MALRD1: variants seen among roughly 807,000 people sequenced by gnomAD.
MALRD1 encodes the protein MAM and LDL receptor class A domain containing 1.
Under a neutral mutation model 242.1 loss-of-function variants are expected in MALRD1, and 247 were observed. That is an observed-to-expected ratio of 1.02 (90% CI 0.92 to 1.13). The LOEUF is 1.13. Among genes scored for constraint, MALRD1 ranks in the 50% most tolerant of loss-of-function variants. MALRD1 has a pLI of 0.00. For missense variants in MALRD1, 2,989 were observed against 2,533.1 expected (o/e 1.18, Z -3.86); for synonymous variants, 995 against 866.6 (o/e 1.15, Z -2.60).
chr10:19,391,581 T>C (rs769652942), intron 28 of MALRD1, among the ~76,000 whole-genome samples: 1 of 152,186 alleles, frequency 6.6e-6, no homozygotes. Flanking sequence ...TGGCACTCCC[T>C]GTCTATTCTT....
Position 19,160,157 on chromosome 10 carries a change from G to A in MALRD1, c.1656+4985G>A, listed in dbSNP as rs113946724. Among the ~76,000 whole-genome samples, 623 of 152,252 alleles carry A rather than the reference G, an allele frequency of 4.1e-3. 2 individuals are homozygous for A. Among genetic ancestry groups the A allele is most frequent in the Non-Finnish European group, 6.5e-3 (444 of 68,016 alleles). ...ACTTAACTTGTTTTGAATGAAGCAG[G>A]CATGCGTCAAGAAAATTTCCTTGAA... On this transcript the variant is annotated intron_variant, in intron 12 of 39. Coordinates refer to ENST00000454679, the MANE Select transcript of MALRD1 (RefSeq NM_001142308.3).
Position 19,450,408 on chromosome 10 carries a change from A to G in MALRD1, c.4947A>G (p.Glu1649=), listed in dbSNP as rs377011245. ...DILLGKLRNF[E]VIFQGIRTRD... ...TGCTAGGAAAGTTAAGGAATTTTGA[A>G]GTCATATTTCAAGGTATCAGAACAA... The change falls in exon 29 of 40, where the codon GAA becomes GAG. Residue 1649 remains glutamate, a synonymous_variant. Transcript: ENST00000454679. 1.0e-5 allele frequency: 16 copies of G among 1,550,426 alleles called. No individual in the cohort carries two copies. The Admixed American group carries it at 1.4e-4, about 13-fold the overall frequency.
chr10:19,356,101 C>T (rs1844626006), intron 26 of MALRD1, among the ~76,000 whole-genome samples: 1 of 151,220 alleles, frequency 6.6e-6, no homozygotes, highest in Admixed American at 6.6e-5. Flanking sequence ...AGAATTGGCT[C>T]TCCGTAAGAC....
At chr10:19,558,446 T>C (rs1835820329) in intron 32 of MALRD1, among the ~76,000 whole-genome samples, 1 of 152,176 alleles carries the variant, frequency 6.6e-6, no homozygotes, top group Non-Finnish European at 1.5e-5. Context: ...TCATCATGAA[T>C]GGGTATTGCT....
rs766328143 is a variant in MALRD1 at position 19,098,245 on chromosome 10, G to A, written c.598-5734G>A. On this transcript the variant is annotated intron_variant, in intron 4 of 39. Transcript: ENST00000454679. ...ACTGACTATAATTTTCACGTTGAAT[G>A]TCTGGATTGTTAAACTAAATGAACA... 2.2e-4 allele frequency among the ~76,000 whole-genome samples: 34 copies of A among 152,272 alleles called. 1 individual carries two copies. Among genetic ancestry groups the A allele is most frequent in the Admixed American group, 1.4e-3 (22 of 15,282 alleles).
At chr10:19,448,660 T>C (rs1157691197) in intron 28 of MALRD1, among the ~76,000 whole-genome samples, 1 of 152,148 alleles carries the variant, frequency 6.6e-6, no homozygotes, top group African/African-American at 2.4e-5. Context: ...TGTTCATGTA[T>C]TAGAATATTG....
At chr10:19,347,669 A>G in intron 24 of MALRD1, 102 bp from the exon 25 acceptor site, 1 of 1,364,668 alleles carries the variant, frequency 7.3e-7, no homozygotes. Flanking sequence ...TGAAGGTTTC[A>G]AATATTACAT....
intron 28 of MALRD1, among the ~76,000 whole-genome samples, chr10:19,443,338 A>G (rs150527840): frequency 4.0e-5 from 6 of 151,814 alleles, no homozygotes. Flanking sequence ...TGCTCTGATC[A>G]TAGTTATTTC....
At chr10:19,226,560 G>A (rs1203924228) in intron 18 of MALRD1, among the ~76,000 whole-genome samples, 3 of 152,018 alleles carry the variant, frequency 2.0e-5, no homozygotes, top group African/African-American at 7.2e-5. Flanking sequence ...TCTAGATTCA[G>A]TGGAATTCCC....
At chr10:19,415,570 C>T (rs12243262) in intron 28 of MALRD1, among the ~76,000 whole-genome samples, 14,440 of 151,878 alleles carry the variant, frequency 0.095, 852 homozygotes, top group African/African-American at 0.16. Context: ...GAAAGCAAGA[C>T]TTAAAAAAAT....
At chr10:19,497,521 G>T (rs911396495) in intron 30 of MALRD1, among the ~76,000 whole-genome samples, 3 of 151,856 alleles carry the variant, frequency 2.0e-5, no homozygotes, top group Admixed American at 1.3e-4. Flanking sequence ...AGAAAGTTTT[G>T]TGTGGAAATA....
At chr10:19,381,671 T>C (rs1035896898) in intron 26 of MALRD1, among the ~76,000 whole-genome samples, 1 of 103,252 alleles carries the variant, frequency 9.7e-6, no homozygotes, top group African/African-American at 4.1e-5. Flanking sequence ...CTACTAAAAA[T>C]ACAAAAAAAA....
chr10:19,114,117 T>C (rs1396014706), intron 5 of MALRD1, among the ~76,000 whole-genome samples: 1 of 152,248 alleles, frequency 6.6e-6, no homozygotes, highest in Non-Finnish European at 1.5e-5. Context: ...TTTTTAACAG[T>C]ACTTACATTT....
chr10:19,142,811 G>A (rs559504626), intron 10 of MALRD1, among the ~76,000 whole-genome samples: 25 of 152,020 alleles, frequency 1.6e-4, no homozygotes, highest in South Asian at 4.1e-4. Flanking sequence ...TGACTCTCCC[G>A]GCTTTCTTCA....
intron 36 of MALRD1, among the ~76,000 whole-genome samples, chr10:19,665,480 A>T (rs1046918797): frequency 1.3e-5 from 2 of 152,132 alleles, no homozygotes; most frequent in African/African-American, 4.8e-5. Flanking sequence ...TTTCAGGCAG[A>T]TAAAGGGAAT....
chr10:19,236,805 T>A (rs1402947694), intron 18 of MALRD1, among the ~76,000 whole-genome samples: 1 of 152,090 alleles, frequency 6.6e-6, no homozygotes, highest in East Asian at 1.9e-4. Flanking sequence ...AGAATATACC[T>A]AAGAGCATAT....
chr10:19,531,444 C>T, intron 32 of MALRD1, 93 bp downstream of exon 32: 1 of 1,276,718 alleles, frequency 7.8e-7, no homozygotes, highest in South Asian at 1.7e-5. Context: ...TTTTGTTGGT[C>T]ACACCGCCAG....
At chr10:19,367,289 A>G (rs1306858399) in intron 26 of MALRD1, among the ~76,000 whole-genome samples, 4 of 152,010 alleles carry the variant, frequency 2.6e-5, no homozygotes, top group African/African-American at 9.7e-5. Context: ...CCAAGCCTCT[A>G]GTATCCTCTG....
At chr10:19,355,949 G>A (rs1042322656) in intron 26 of MALRD1, among the ~76,000 whole-genome samples, 2 of 146,552 alleles carry the variant, frequency 1.4e-5, no homozygotes, top group Non-Finnish European at 3.0e-5. Flanking sequence ...TATATGCTAG[G>A]GTTAGGGTTG....
Sources: allele counts gnomAD v4.1 joint callset (sites outside exome capture counted in the v4.1 genomes callset), GRCh38; gene constraint gnomAD v4.1.1; transcripts MANE v1.5; gene names NCBI Gene and HGNC (gene_info 2026-07-23, HGNC 2026-07-21).